Variants in CCSER1 observed in about 807,000 individuals in gnomAD.
CCSER1 encodes the protein coiled-coil serine rich protein 1, also known as serine-rich coiled-coil domain-containing protein 1.
A neutral mutation model predicts 82.0 loss-of-function variants in CCSER1; 41 were observed. The ratio of observed to expected loss-of-function variants is 0.50; its 90% CI spans 0.39 to 0.65. CCSER1 has a LOEUF of 0.65. Ranked by LOEUF, CCSER1 falls within the 30% of genes least tolerant of loss-of-function variation. The pLI is 0.00. For missense variants in CCSER1, 1,119 were observed against 1,064.2 expected, an observed-to-expected ratio of 1.05 and a Z score of -0.72; for synonymous variants, 414 against 383.9, an observed-to-expected ratio of 1.08 and a Z score of -0.92.
At chr4:90,999,852 G>A (rs1165428164) in intron 9 of CCSER1, among the ~76,000 whole-genome samples, 2 of 146,168 alleles carry the variant, frequency 1.4e-5, no homozygotes, top group African/African-American at 5.0e-5. Context: ...TTTTCTCAAG[G>A]CCCATGTCCA....
chr4:90,303,514 G>A (rs1332944072), intron 1 of CCSER1, among the ~76,000 whole-genome samples: 14 of 152,022 alleles, frequency 9.2e-5, no homozygotes, highest in Non-Finnish European at 2.9e-5. Context: ...ACAACTATCT[G>A]ATCTTTGACA....
intron 9 of CCSER1, among the ~76,000 whole-genome samples, chr4:90,942,267 C>T (rs1731686281): frequency 1.3e-5 from 2 of 152,098 alleles, no homozygotes; most frequent in Non-Finnish European, 2.9e-5. Context: ...AATATCCTGT[C>T]TTTTAAATGA....
intron 7 of CCSER1, among the ~76,000 whole-genome samples, chr4:90,766,905 C>A (rs1751326680): frequency 6.6e-6 from 1 of 151,990 alleles, no homozygotes; most frequent in Non-Finnish European, 1.5e-5. Context: ...GAGATGTGAT[C>A]TATACTCTGT....
At position 90,762,067 on chromosome 4, in the gene CCSER1, A is replaced by G. The variant is rs552245453; in HGVS notation, c.2010+38076A>G. Among the ~76,000 whole-genome samples, 5 of 152,298 alleles carry G rather than the reference A, an allele frequency of 3.3e-5. No homozygotes were observed. The South Asian group carries it at 1.0e-3, about 32-fold the overall frequency. The stretch of plus-strand genomic sequence containing the variant: ...AGCTTTAACATTTTAGAAGACTGAT[A>G]TGATTTGGCTGTGTCCCTACCCAAA... On this transcript the variant is annotated intron_variant, in intron 7 of 10. Transcript: ENST00000509176.
intron 10 of CCSER1, among the ~76,000 whole-genome samples, chr4:91,259,385 A>G (rs1740929630): frequency 1.3e-5 from 2 of 152,212 alleles, no homozygotes; most frequent in African/African-American, 4.8e-5. Context: ...TAGTTCTAAA[A>G]GAAGCTGAAA....
At chr4:90,900,589 T>C (rs1724488521) in intron 8 of CCSER1, among the ~76,000 whole-genome samples, 2 of 151,920 alleles carry the variant, frequency 1.3e-5, no homozygotes, top group Admixed American at 6.6e-5. Context: ...ATTTTGTTTG[T>C]TGTTTTTTTC....
intron 7 of CCSER1, among the ~76,000 whole-genome samples, chr4:90,763,915 C>T (rs185787496): frequency 3.9e-5 from 6 of 152,224 alleles, no homozygotes; most frequent in African/African-American, 7.2e-5. Flanking sequence ...TATAACTTTC[C>T]GGTGTCCTCT....
At chr4:91,409,969 G>A (rs1451853996) in intron 10 of CCSER1, among the ~76,000 whole-genome samples, 9 of 152,244 alleles carry the variant, frequency 5.9e-5, no homozygotes, top group South Asian at 2.1e-4. Flanking sequence ...CTCTAGATTC[G>A]TGCAAAATAA....
chr4:91,125,285 A>T (rs1727416816), intron 10 of CCSER1, among the ~76,000 whole-genome samples: 2 of 151,708 alleles, frequency 1.3e-5, no homozygotes, highest in Non-Finnish European at 3.0e-5. Context: ...AATATAGAGA[A>T]GCTCACTTAA....
chr4:90,467,334 A>T (rs1430779972), intron 4 of CCSER1, among the ~76,000 whole-genome samples: 1 of 151,930 alleles, frequency 6.6e-6, no homozygotes. Context: ...TGTTGAGCTG[A>T]GATCATGCCA....
In CCSER1 at chr4:90,232,095, C is replaced by T. The variant is rs1744696862; in HGVS notation, c.-41-76149C>T. On this transcript the variant is annotated intron_variant, in intron 1 of 10. Coordinates refer to ENST00000509176, the MANE Select transcript of CCSER1 (RefSeq NM_001145065.2). ...GCCATCCCCATCAAGCTACCACTGACTTTCTTCACAGAATTGGAAAAAACT... is the reference window on the plus strand; with the variant it reads ...GCCATCCCCATCAAGCTACCACTGATTTTCTTCACAGAATTGGAAAAAACT... Among the ~76,000 whole-genome samples, 2 of 152,218 alleles carry T rather than the reference C, an allele frequency of 1.3e-5. 1 individual carries two copies. The highest frequency in any genetic ancestry group is 4.1e-4 in the South Asian group (2 of 4,826).
Position 91,115,841 on chromosome 4 carries a change from T to TTATA in CCSER1, c.2217+29863_2217+29866dup, listed in dbSNP as rs59028567. 9.6e-3 allele frequency among the ~76,000 whole-genome samples: 1,107 copies of TTATA among 115,168 alleles called. 21 individuals are homozygous for TTATA. The highest frequency in any genetic ancestry group is 0.038 in the African/African-American group (1,000 of 26,608). 75.6% of individuals were successfully genotyped at this position (115,168 alleles called of 152,430 possible). A position where few individuals can be genotyped will look rare whatever the true frequency, so the allele number is the denominator to read the frequency against. On this transcript the variant is annotated intron_variant, in intron 10 of 10. Coordinates refer to ENST00000509176, the MANE Select transcript of CCSER1 (RefSeq NM_001145065.2). Reference sequence around the variant, plus strand: ...TTTTTTTTTTCAAATTTCCATTCTTTTATATATATATATATATATTTTTTT... The same window carrying TTATA: ...TTTTTTTTTTCAAATTTCCATTCTTTTATATATATATATATATATATATTTTTTT...
intron 1 of CCSER1, among the ~76,000 whole-genome samples, chr4:90,281,065 T>C (rs1197688211): frequency 1.3e-5 from 2 of 152,088 alleles, no homozygotes; most frequent in Non-Finnish European, 2.9e-5. Context: ...TTTTGGTTAC[T>C]AGACAAATCT....
intron 6 of CCSER1, among the ~76,000 whole-genome samples, chr4:90,651,843 TTGAGATTATTTAGCTG>T (rs796347662): frequency 4.9e-4 from 74 of 152,278 alleles, no homozygotes; most frequent in African/African-American, 1.6e-3. Context: ...GTTCCTAAGC[TTGAGATTATTTAGCTG>T]TGGCACAAAC....
chr4:91,554,419 A>G (rs1335836786), intron 10 of CCSER1, among the ~76,000 whole-genome samples: 2 of 151,266 alleles, frequency 1.3e-5, no homozygotes, highest in Admixed American at 6.6e-5. Flanking sequence ...TAAACTGTCA[A>G]AAAAGAAGCT....
chr4:90,858,004 G>A (rs1764655037), intron 8 of CCSER1, among the ~76,000 whole-genome samples: 1 of 151,898 alleles, frequency 6.6e-6, no homozygotes, highest in African/African-American at 2.4e-5. Flanking sequence ...CATGTTATAT[G>A]CCTTAAATAT....
intron 5 of CCSER1, among the ~76,000 whole-genome samples, chr4:90,545,176 A>G (rs953452580): frequency 6.6e-6 from 1 of 152,128 alleles, no homozygotes; most frequent in Non-Finnish European, 1.5e-5. Context: ...TGATCACACT[A>G]CTTTTAGTAG....
At chr4:91,031,193 G>C (rs546594571) in intron 9 of CCSER1, among the ~76,000 whole-genome samples, 1 of 152,142 alleles carries the variant, frequency 6.6e-6, no homozygotes, top group South Asian at 2.1e-4. Flanking sequence ...GCCTGGATGA[G>C]CTTGATTTTG....
At chr4:90,540,295 C>T (rs1775944675) in intron 5 of CCSER1, among the ~76,000 whole-genome samples, 1 of 151,790 alleles carries the variant, frequency 6.6e-6, no homozygotes, top group Non-Finnish European at 1.5e-5. Flanking sequence ...TTCTTAAATT[C>T]AATAACATAT....
Sources: allele counts gnomAD v4.1 joint callset (sites outside exome capture counted in the v4.1 genomes callset), GRCh38; gene constraint gnomAD v4.1.1; transcripts MANE v1.5; gene names NCBI Gene and HGNC (gene_info 2026-07-23, HGNC 2026-07-21).